CD24: variants seen among roughly 807,000 people sequenced by gnomAD.
CD24 encodes the protein signal transducer CD24.
A neutral mutation model predicts 3.6 loss-of-function variants in CD24; 2 were observed. The observed-to-expected ratio is 0.56, with a 90% CI of 0.23 to 1.77. The LOEUF (loss-of-function observed/expected upper bound fraction) is 1.77, where lower values mean the gene tolerates loss of function less well. Among genes scored for constraint, CD24 ranks in the 40% most tolerant of loss-of-function variants. The pLI is 0.18. For synonymous variants in CD24, 33 were observed against 44.9 expected (o/e 0.74, Z 1.06); for missense variants, 62 against 93.6 (o/e 0.66, Z 1.39).
chr6:106,973,996 T>C (rs1582557887), intron 1 of CD24: 1 of 397,666 alleles, frequency 2.5e-6, no homozygotes, highest in African/African-American at 2.1e-5. Context: ...CAGGAGAGGG[T>C]CCCCGCCTCG....
Position 106,971,740 on chromosome 6 carries a change from G to A in CD24, c.164C>T (p.Thr55Ile). The change falls in exon 2 of 2, where the codon ACC becomes ATC. Residue 55 changes from threonine (T) to isoleucine (I), a missense_variant. Physicochemically the swap from Thr to Ile is moderately conservative, Grantham distance 89 (BLOSUM62 -1). Coordinates refer to ENST00000606017, the MANE Select transcript of CD24 (RefSeq NM_001359084.1). ...CTGCAGGGCACCACCAGCCGCCTTGGTGGTGGCATTAGTTGGATTTGGGGC... is the reference window on the plus strand; with the variant it reads ...CTGCAGGGCACCACCAGCCGCCTTGATGGTGGCATTAGTTGGATTTGGGGC... Reference protein sequence around the residue: ...GLAPNPTNATTKAAGGALQST... With the variant: ...GLAPNPTNATIKAAGGALQST... 1.3e-6 allele frequency: 2 copies of A among 1,550,164 alleles called. No homozygotes were observed. Among genetic ancestry groups the A allele is most frequent in the Non-Finnish European group, 1.7e-6 (2 of 1,145,670 alleles).
upstream of CD24, among the ~76,000 whole-genome samples, chr6:106,975,869 G>A (rs1773101135): frequency 6.6e-6 from 1 of 152,256 alleles, no homozygotes; most frequent in African/African-American, 2.4e-5. Context: ...TTAAAGAGCA[G>A]AACCGTTCGA....
At chr6:106,973,384 C>T in intron 1 of CD24, 1 of 344,146 alleles carries the variant, frequency 2.9e-6, no homozygotes, top group Non-Finnish European at 5.2e-6. Flanking sequence ...CGGTTTCTCG[C>T]AGCCGCGCCC....
rs1210167678 is a variant in CD24 at position 106,971,404 on chromosome 6, G to T, written c.*257C>A. ...AGGAAATCATGTCTTAACTATTTTG[G>T]ATGTTGCCTCTCCTTCATCTTGTAC... On this transcript the variant is annotated 3_prime_UTR_variant, in exon 2 of 2. Transcript: ENST00000606017. The T allele has an allele frequency of 4.1e-5, 18 of 437,530 alleles. No individual in the cohort carries two copies. Among genetic ancestry groups the T allele is most frequent in the African/African-American group, 3.5e-4 (17 of 48,296 alleles). The allele number at this position is 437,530 out of a possible 1,614,324, so 27.1% of individuals were successfully genotyped here.
chr6:106,975,357 C>G (rs969961169), upstream of CD24: 1 of 151,734 alleles, frequency 6.6e-6, no homozygotes, highest in Non-Finnish European at 1.5e-5. Context: ...CGGACGCGGG[C>G]CGGACGCTCA....
intron 1 of CD24, 106 bp downstream of exon 1, chr6:106,974,472 C>CCT: frequency 4.8e-6 from 3 of 620,870 alleles, no homozygotes; most frequent in Non-Finnish European, 7.7e-6. Flanking sequence ...GGTCCCTGTC[C>CCT]GTGGCCCGAG....
At chr6:106,972,422 A>T (rs1425695594) in intron 1 of CD24, among the ~76,000 whole-genome samples, 6 of 152,238 alleles carry the variant, frequency 3.9e-5, no homozygotes, top group Admixed American at 2.6e-4. Context: ...AAAAATGGCC[A>T]CAATATTTGT....
At position 106,971,611 on chromosome 6, in the gene CD24, T is replaced by C. The variant is rs1772974319; in HGVS notation, c.*50A>G. 1.3e-6 allele frequency: 2 copies of C among 1,490,546 alleles called. No homozygotes were observed. Among genetic ancestry groups the C allele is most frequent in the African/African-American group, 2.8e-5 (2 of 71,346 alleles). The allele number at this position is 1,490,546 out of a possible 1,614,324, so 92.3% of individuals were successfully genotyped here. The stretch of plus-strand genomic sequence containing the variant: ...TTGGACTTCCAGACGCCATTTGGAT[T>C]GGGTTTAGAAGATGGGGAAATTTAG... On this transcript the variant is annotated 3_prime_UTR_variant, in exon 2 of 2. Coordinates refer to ENST00000606017, the MANE Select transcript of CD24 (RefSeq NM_001359084.1).
Position 106,971,722 on chromosome 6 carries a change from G to A in CD24, c.182C>T (p.Ala61Val). 6.5e-7 allele frequency: 1 copy of A among 1,545,916 alleles called. No homozygotes were observed. The highest frequency in any genetic ancestry group is 8.8e-7 in the Non-Finnish European group (1 of 1,141,938). The change falls in exon 2 of 2, where the codon GCC becomes GTC. Residue 61 changes from alanine (A) to valine (V), a missense_variant. Ala to Val is a moderately conservative substitution (Grantham distance 64, BLOSUM62 0). Transcript: ENST00000606017. ...GAAGAGACTGGCTGTTGACTGCAGG[G>A]CACCACCAGCCGCCTTGGTGGTGGC... ...TNATTKAAGG[A>V]LQSTASLFVV...
intron 1 of CD24, chr6:106,973,460 C>T: frequency 2.6e-6 from 1 of 391,028 alleles, no homozygotes. Flanking sequence ...CAATAGGGTA[C>T]GGTTACCCCG....
At chr6:106,972,103 T>A (rs1772985701) in intron 1 of CD24, among the ~76,000 whole-genome samples, 1 of 152,342 alleles carries the variant, frequency 6.6e-6, no homozygotes, top group African/African-American at 2.4e-5. Context: ...TGTTTTTATT[T>A]CTTTGCAAAG....
intron 1 of CD24, chr6:106,973,367 A>G: frequency 3.1e-6 from 1 of 320,494 alleles, no homozygotes. Context: ...CGGGGAGTGG[A>G]GGGGGCCGGT....
intron 1 of CD24, chr6:106,974,084 A>G (rs1032787738): frequency 2.5e-6 from 1 of 396,756 alleles, no homozygotes. Context: ...TCCAACTCCG[A>G]GGGTGGAGGA....
chr6:106,974,515 T>TCCATCTCCCCTGCC, intron 1 of CD24, 63 bp downstream of exon 1: 1 of 962,538 alleles, frequency 1.0e-6, no homozygotes, highest in Non-Finnish European at 1.5e-6. Context: ...CGGGACCGGG[T>TCCATCTCCCCTGCC]CCATCTCCCC....
chr6:106,972,368 C>T (rs1228332347), intron 1 of CD24, among the ~76,000 whole-genome samples: 4 of 152,196 alleles, frequency 2.6e-5, no homozygotes, highest in African/African-American at 7.2e-5. Context: ...GGGGGAAATG[C>T]AGTCTTATCT....
chr6:106,974,155 G>A (rs1187055096), intron 1 of CD24: 8 of 374,606 alleles, frequency 2.1e-5, no homozygotes, highest in Non-Finnish European at 3.7e-5. Flanking sequence ...AGCGCGGGGA[G>A]CGCGAAGACA....
chr6:106,971,406 T>C lies in CD24; in HGVS notation c.*255A>G. On this transcript the variant is annotated 3_prime_UTR_variant, in exon 2 of 2. Coordinates refer to ENST00000606017, the MANE Select transcript of CD24 (RefSeq NM_001359084.1). ...GAAATCATGTCTTAACTATTTTGGA[T>C]GTTGCCTCTCCTTCATCTTGTACAT... 2.3e-6 allele frequency: 1 copy of C among 442,540 alleles called. No individual in the cohort carries two copies. Among genetic ancestry groups the C allele is most frequent in the Non-Finnish European group, 4.0e-6 (1 of 251,380 alleles). The allele number at this position is 442,540 out of a possible 1,614,324, so 27.4% of individuals were successfully genotyped here.
In CD24 at chr6:106,971,848, A is replaced by G. The variant is rs1301043314; in HGVS notation, c.70-14T>C. 1.3e-6 allele frequency: 2 copies of G among 1,501,724 alleles called. No individual in the cohort carries two copies. Among genetic ancestry groups the G allele is most frequent in the African/African-American group, 2.8e-5 (2 of 72,042 alleles). 93.0% of individuals were successfully genotyped at this position (1,501,724 alleles called of 1,614,324 possible). ...ACTGGAATAAATCTAAAATACATAAAAAGTTACATGGATACATTTCCACAT... is the reference window on the plus strand; with the variant it reads ...ACTGGAATAAATCTAAAATACATAAGAAGTTACATGGATACATTTCCACAT... On this transcript the variant is annotated splice_polypyrimidine_tract_variant and intron_variant, in intron 1 of 1. Transcript: ENST00000606017.
At chr6:106,973,850 G>A (rs1773035488) in intron 1 of CD24, 1 of 398,500 alleles carries the variant, frequency 2.5e-6, no homozygotes, top group Non-Finnish European at 4.4e-6. Flanking sequence ...CCCGAACAAA[G>A]CCTGGCGGGG....
Sources: allele counts gnomAD v4.1 joint callset (sites outside exome capture counted in the v4.1 genomes callset), GRCh38; gene constraint gnomAD v4.1.1; transcripts MANE v1.5; gene names NCBI Gene and HGNC (gene_info 2026-07-23, HGNC 2026-07-21).